The following THSD7A variants were observed in gnomAD, a reference collection of about 807,000 sequenced individuals.
THSD7A encodes the protein thrombospondin type-1 domain-containing protein 7A.
A neutral mutation model predicts 231.3 loss-of-function variants in THSD7A; 96 were observed. That is an observed-to-expected ratio of 0.41 (90% CI 0.35 to 0.49). The LOEUF (loss-of-function observed/expected upper bound fraction) is 0.49. Among genes scored for constraint, THSD7A ranks in the 20% least tolerant of loss-of-function variants. The pLI, the probability that THSD7A is intolerant of heterozygous loss-of-function variation, is 0.05. For missense variants in THSD7A, 2,290 were observed against 2,070.2 expected (o/e 1.11, Z -2.06); for synonymous variants, 940 against 743.3 (o/e 1.26, Z -4.30).
At chr7:11,380,512 T>G (rs1782468267) in intron 24 of THSD7A, among the ~76,000 whole-genome samples, 1 of 152,198 alleles carries the variant, frequency 6.6e-6, no homozygotes, top group African/African-American at 2.4e-5. Context: ...AGGCGCCTAT[T>G]GCTAATTGTC....
At chr7:11,398,426 C>T (rs1163723981) in intron 23 of THSD7A, among the ~76,000 whole-genome samples, 3 of 151,840 alleles carry the variant, frequency 2.0e-5, no homozygotes, top group South Asian at 2.1e-4. Flanking sequence ...AGGAGAAATA[C>T]GTAAAGTAGA....
chr7:11,661,686 G>A (rs769020085), intron 1 of THSD7A, among the ~76,000 whole-genome samples: 2 of 151,054 alleles, frequency 1.3e-5, no homozygotes, highest in Non-Finnish European at 3.0e-5. Context: ...AAATCTTTAA[G>A]ATACAATTGA....
intron 6 of THSD7A, 91 bp from the exon 7 acceptor site, chr7:11,482,073 T>C: frequency 7.4e-7 from 1 of 1,347,610 alleles, no homozygotes; most frequent in Non-Finnish European, 1.0e-6. Context: ...TAAGTTACAT[T>C]ATCTTTCTTT....
intron 6 of THSD7A, among the ~76,000 whole-genome samples, chr7:11,514,457 G>A (rs1314025835): frequency 6.6e-6 from 1 of 152,066 alleles, no homozygotes; most frequent in Non-Finnish European, 1.5e-5. Context: ...GTATATATGT[G>A]TCAAAGCCAT....
Position 11,411,471 on chromosome 7 carries a change from A to C in THSD7A, c.3683-149T>G. The C allele has an allele frequency of 3.3e-6, 2 of 603,246 alleles. No homozygotes were observed. Among genetic ancestry groups the C allele is most frequent in the Non-Finnish European group, 5.8e-6 (2 of 342,866 alleles). 37.4% of individuals were successfully genotyped at this position (603,246 alleles called of 1,614,324 possible). A position where few individuals can be genotyped will look rare whatever the true frequency, so the allele number is the denominator to read the frequency against. On this transcript the variant is annotated intron_variant, in intron 18 of 27. Transcript: ENST00000423059. This position sits in a 1 kb window ranked among gnomAD's most constrained non-coding sequence, Gnocchi z 4.1. ...CCCCCATGCAGAGCATATGGGTCCCAGCTTTGAACGTATCAGGAGTCAAAT... is the reference window on the plus strand; with the variant it reads ...CCCCCATGCAGAGCATATGGGTCCCCGCTTTGAACGTATCAGGAGTCAAAT...
At chr7:11,794,904 A>G (rs987576553) in intron 1 of THSD7A, among the ~76,000 whole-genome samples, 1 of 152,028 alleles carries the variant, frequency 6.6e-6, no homozygotes, top group Non-Finnish European at 1.5e-5. Flanking sequence ...GATGGAATAG[A>G]AACAGGATTT....
intron 19 of THSD7A, among the ~76,000 whole-genome samples, chr7:11,409,896 C>T (rs1238236745): frequency 1.3e-5 from 2 of 152,080 alleles, no homozygotes; most frequent in East Asian, 3.9e-4. Context: ...GCATGTGCCA[C>T]CACGCCCGGC....
In THSD7A at chr7:11,412,668, A is replaced by C. The variant is rs1783824733; in HGVS notation, c.3670T>G (p.Tyr1224Asp). The change falls in exon 18 of 28, where the codon TAT (tyrosine) becomes GAT (aspartate). Residue 1224 changes from tyrosine (Y) to aspartate (D), a missense_variant. Tyr to Asp is a radical substitution (Grantham distance 160). Transcript: ENST00000423059. ...NLNKNCYHYDYNVTDWSTCQL... is the reference protein window; with the variant it reads ...NLNKNCYHYDDNVTDWSTCQL... Reference sequence around the variant, plus strand: ...ATGATCCATGTACCTGTTACATTATAATCATAGTGGTAGCAGTTTTTGTTC... The same window carrying C: ...ATGATCCATGTACCTGTTACATTATCATCATAGTGGTAGCAGTTTTTGTTC... The C allele has an allele frequency of 1.9e-6, 3 of 1,613,776 alleles. No homozygotes were observed. Among genetic ancestry groups the C allele is most frequent in the Non-Finnish European group, 2.5e-6 (3 of 1,179,778 alleles).
chr7:11,747,364 C>T (rs1236333517), intron 1 of THSD7A, among the ~76,000 whole-genome samples: 4 of 151,688 alleles, frequency 2.6e-5, no homozygotes, highest in Admixed American at 6.6e-5. Context: ...TACAATTCTA[C>T]GAATTAAAAT....
chr7:11,711,390 C>T (rs982182895), intron 1 of THSD7A, among the ~76,000 whole-genome samples: 1 of 150,980 alleles, frequency 6.6e-6, no homozygotes, highest in African/African-American at 2.4e-5. Flanking sequence ...CATGGCATTC[C>T]TATCCCCCAA....
At chr7:11,472,833 G>A (rs985381490) in intron 8 of THSD7A, among the ~76,000 whole-genome samples, 7 of 152,150 alleles carry the variant, frequency 4.6e-5, no homozygotes, top group South Asian at 2.1e-4. Flanking sequence ...ACTGGTAGAA[G>A]CTCAGCACAA....
At chr7:11,746,283 C>T (rs1333315552) in intron 1 of THSD7A, among the ~76,000 whole-genome samples, 2 of 151,888 alleles carry the variant, frequency 1.3e-5, no homozygotes, top group African/African-American at 2.4e-5. Flanking sequence ...CTAAAGTTAA[C>T]ATTTTAGCAA....
rs1406829932 is a variant in THSD7A, at chr7:11,697,015, A to G, written c.191-60054T>C. Among the ~76,000 whole-genome samples, 3 of 151,404 alleles carry G rather than the reference A, an allele frequency of 2.0e-5. No homozygotes were observed. In the East Asian group the frequency reaches 5.9e-4, roughly 30 times the overall value. ...CCTTTAAATAGTGGCAATGGATTCA[A>G]TATCTTTGAATTTGGCCAGGCCAAA... On this transcript the variant is annotated intron_variant, in intron 1 of 27. Coordinates refer to ENST00000423059, the MANE Select transcript of THSD7A (RefSeq NM_015204.3).
intron 6 of THSD7A, among the ~76,000 whole-genome samples, chr7:11,499,667 A>G (rs976095656): frequency 6.6e-6 from 1 of 152,234 alleles, no homozygotes; most frequent in African/African-American, 2.4e-5. Context: ...GAATGTCACA[A>G]TGCAATCACA....
chr7:11,565,526 G>T (rs1290423396), intron 4 of THSD7A, among the ~76,000 whole-genome samples: 1 of 152,168 alleles, frequency 6.6e-6, no homozygotes, highest in Non-Finnish European at 1.5e-5. Context: ...AAGAAACAGT[G>T]GCTTGGACTG....
chr7:11,384,594 T>C (rs1197697284), intron 23 of THSD7A: 1 of 151,990 alleles, frequency 6.6e-6, no homozygotes, highest in African/African-American at 2.4e-5. Flanking sequence ...TTTGGCAATA[T>C]TATTCATCCA....
At chr7:11,389,089 G>C (rs1191460512) in intron 23 of THSD7A, among the ~76,000 whole-genome samples, 1 of 152,136 alleles carries the variant, frequency 6.6e-6, no homozygotes, top group Non-Finnish European at 1.5e-5. Flanking sequence ...GTTGATTTGG[G>C]GTGGAGAGTT....
chr7:11,689,607 G>A (rs560731833), intron 1 of THSD7A, among the ~76,000 whole-genome samples: 19 of 151,448 alleles, frequency 1.3e-4, no homozygotes, highest in South Asian at 4.2e-4. Flanking sequence ...GGCCATTTTC[G>A]TCCTACTTCT....
chr7:11,727,190 T>C (rs1005570924), intron 1 of THSD7A, among the ~76,000 whole-genome samples: 2 of 152,034 alleles, frequency 1.3e-5, no homozygotes. Flanking sequence ...CATACATATT[T>C]GCAAATGTTG....
Sources: gnomAD v4.1 joint callset for allele counts (sites outside exome capture counted in the v4.1 genomes callset) on GRCh38, gnomAD v4.1.1 for gene constraint, Gnocchi (gnomAD v3.1) non-coding constraint, MANE v1.5 for transcripts, NCBI Gene and HGNC (gene_info 2026-07-23, HGNC 2026-07-21) for gene names.